The following BTBD10 variants were observed in gnomAD, a reference collection of about 807,000 sequenced individuals.
BTBD10 encodes the protein BTB domain containing 10.
In BTBD10, 21 loss-of-function variants were observed where a neutral mutation model predicts 53.2. The observed-to-expected ratio is 0.39, with a 90% CI of 0.28 to 0.57. The LOEUF (loss-of-function observed/expected upper bound fraction) is 0.57, where lower values mean the gene tolerates loss of function less well. Among genes scored for constraint, BTBD10 ranks in the 20% least tolerant of loss-of-function variants. The probability of loss-of-function intolerance (pLI) is 0.53; values close to 1 mark genes in which losing one functional copy is unlikely to be tolerated. For missense variants in BTBD10, 360 were observed against 594.7 expected (o/e 0.61, Z 4.10); for synonymous variants, 149 against 192.7 (o/e 0.77, Z 1.88).
chr11:13,437,079 A>T (rs887814519), intron 2 of BTBD10, among the ~76,000 whole-genome samples: 2 of 152,222 alleles, frequency 1.3e-5, no homozygotes, highest in African/African-American at 4.8e-5. Flanking sequence ...CATCACGCCC[A>T]GCCCAAGATT....
chr11:13,406,559 G>C (rs1426703400), intron 6 of BTBD10, among the ~76,000 whole-genome samples: 1 of 143,868 alleles, frequency 7.0e-6, no homozygotes, highest in African/African-American at 2.6e-5. Context: ...ATACGCATGA[G>C]TGAGAGAGAG....
At chr11:13,450,516 T>G (rs1950838133) in intron 1 of BTBD10, among the ~76,000 whole-genome samples, 1 of 152,102 alleles carries the variant, frequency 6.6e-6, no homozygotes, top group Non-Finnish European at 1.5e-5. Context: ...ACACAGAAAA[T>G]GTATGATATG....
At chr11:13,404,865 CA>C (rs1949783547) in intron 7 of BTBD10, among the ~76,000 whole-genome samples, 1 of 152,066 alleles carries the variant, frequency 6.6e-6, no homozygotes, top group Non-Finnish European at 1.5e-5. Flanking sequence ...TTTAGAAAAG[CA>C]TATGTAAAAT....
chr11:13,458,728 A>C (rs1440779319), intron 1 of BTBD10, among the ~76,000 whole-genome samples: 1 of 152,248 alleles, frequency 6.6e-6, no homozygotes, highest in Non-Finnish European at 1.5e-5. Flanking sequence ...AATTTGGAAA[A>C]CTAAGTAAGA....
intron 6 of BTBD10, among the ~76,000 whole-genome samples, chr11:13,406,577 G>C (rs1205476021): frequency 2.0e-5 from 3 of 150,458 alleles, no homozygotes; most frequent in Non-Finnish European, 4.4e-5. Flanking sequence ...GAGAGAGAGA[G>C]AGAGAGAGAG....
chr11:13,446,267 G>C (rs1250943504), intron 1 of BTBD10, among the ~76,000 whole-genome samples: 1 of 152,052 alleles, frequency 6.6e-6, no homozygotes, highest in Non-Finnish European at 1.5e-5. Flanking sequence ...GTGAGGTAGA[G>C]TTGTACATAA....
chr11:13,407,963 C>A (rs1304924452), intron 6 of BTBD10, among the ~76,000 whole-genome samples: 1 of 152,154 alleles, frequency 6.6e-6, no homozygotes, highest in Admixed American at 6.5e-5. Flanking sequence ...CTGAGTCCAG[C>A]CTTTCAGTCA....
At chr11:13,444,772 T>G (rs1950722884) in intron 2 of BTBD10, among the ~76,000 whole-genome samples, 1 of 152,152 alleles carries the variant, frequency 6.6e-6, no homozygotes, top group Admixed American at 6.5e-5. Context: ...AATTATAGCA[T>G]TTATTCATGG....
At chr11:13,439,824 C>G (rs1950613575) in intron 2 of BTBD10, 8 of 1,353,256 alleles carry the variant, frequency 5.9e-6, no homozygotes, top group Non-Finnish European at 7.9e-6. Flanking sequence ...ATCTTTCTTT[C>G]AAATTCATAT....
At chr11:13,458,135 C>CAAAAAA (rs35036994) in intron 1 of BTBD10, among the ~76,000 whole-genome samples, 9 of 62,832 alleles carry the variant, frequency 1.4e-4, no homozygotes, top group Non-Finnish European at 2.0e-4. Context: ...GACTCCATCT[C>CAAAAAA]AAAAAAAAAA....
At chr11:13,437,224 G>A (rs1310873753) in intron 2 of BTBD10, among the ~76,000 whole-genome samples, 1 of 152,180 alleles carries the variant, frequency 6.6e-6, no homozygotes, top group African/African-American at 2.4e-5. Flanking sequence ...TAATTGAAAT[G>A]GATTTTTTAG....
At chr11:13,417,050 T>A in intron 5 of BTBD10, 108 bp downstream of exon 5, 2 of 716,244 alleles carry the variant, frequency 2.8e-6, no homozygotes, top group Non-Finnish European at 4.5e-6. Context: ...GGAAAAACAA[T>A]ACCCTGGAAT....
At chr11:13,407,076 C>CA (rs1412518272) in intron 6 of BTBD10, among the ~76,000 whole-genome samples, 1 of 152,004 alleles carries the variant, frequency 6.6e-6, no homozygotes, top group Admixed American at 6.6e-5. Context: ...TTTGACCTCT[C>CA]AGTTTAATCT....
At chr11:13,395,931 T>G (rs1415347516) in intron 8 of BTBD10, among the ~76,000 whole-genome samples, 9 of 151,504 alleles carry the variant, frequency 5.9e-5, no homozygotes, top group Non-Finnish European at 8.8e-5. Flanking sequence ...ATGCTGTTTT[T>G]GTTACTGCAG....
At chr11:13,438,120 T>A (rs189874788) in intron 2 of BTBD10, among the ~76,000 whole-genome samples, 2 of 152,152 alleles carry the variant, frequency 1.3e-5, no homozygotes, top group African/African-American at 4.8e-5. Context: ...ATTATTATTA[T>A]ACTTTCCTTG....
intron 6 of BTBD10, among the ~76,000 whole-genome samples, chr11:13,410,049 T>C (rs1949907112): frequency 6.6e-6 from 1 of 152,140 alleles, no homozygotes; most frequent in Non-Finnish European, 1.5e-5. Flanking sequence ...CTGAGTACAG[T>C]GTACGCTGTC....
intron 5 of BTBD10, 127 bp from the exon 6 acceptor site, chr11:13,413,777 A>C (rs2135801123): frequency 1.1e-6 from 1 of 899,222 alleles, no homozygotes; most frequent in Admixed American, 3.3e-5. Context: ...GAAATGTGGA[A>C]GTTTAAACTT....
At chr11:13,398,663 T>G (rs1182787904) in intron 8 of BTBD10, among the ~76,000 whole-genome samples, 3 of 152,228 alleles carry the variant, frequency 2.0e-5, no homozygotes, top group Admixed American at 6.5e-5. Context: ...TTTGGCATGT[T>G]TTTGCAGTGG....
At chr11:13,417,417 A>T (rs540678050) in intron 4 of BTBD10, among the ~76,000 whole-genome samples, 157 bp from the exon 5 acceptor site, 1 of 152,248 alleles carries the variant, frequency 6.6e-6, no homozygotes, top group Non-Finnish European at 1.5e-5. Flanking sequence ...AAAAGAAAGA[A>T]TATTAAAAAC....
Sources: allele counts gnomAD v4.1 joint callset (sites outside exome capture counted in the v4.1 genomes callset), GRCh38; gene constraint gnomAD v4.1.1; transcripts MANE v1.5; gene names NCBI Gene and HGNC (gene_info 2026-07-23, HGNC 2026-07-21).